Variants in EML1 observed in about 807,000 individuals in gnomAD.
EML1 encodes echinoderm microtubule-associated protein-like 1.
In EML1, 27 loss-of-function variants were observed where a neutral mutation model predicts 110.4. That is an observed-to-expected ratio of 0.24 (90% CI 0.18 to 0.34). The LOEUF (loss-of-function observed/expected upper bound fraction) is 0.34. Among genes scored for constraint, EML1 ranks in the 10% least tolerant of loss-of-function variants. The pLI is 1.00. For synonymous variants in EML1, 344 were observed against 385.8 expected (o/e 0.89, Z 1.27); for missense variants, 741 against 1,030.9 (o/e 0.72, Z 3.85).
chr14:99,778,870 T>C (rs1208305716), intron 1 of EML1, among the ~76,000 whole-genome samples: 1 of 152,238 alleles, frequency 6.6e-6, no homozygotes, highest in Non-Finnish European at 1.5e-5. Context: ...TAATTCTTTG[T>C]CTGAGACTGT....
intron 1 of EML1, among the ~76,000 whole-genome samples, chr14:99,799,538 T>C (rs1044175931): frequency 1.3e-5 from 2 of 152,216 alleles, no homozygotes; most frequent in African/African-American, 4.8e-5. Flanking sequence ...GAAAACGCTT[T>C]CATGGAAAAG....
chr14:99,739,589 G>A (rs2057019024), intron 1 of EML1, among the ~76,000 whole-genome samples: 1 of 152,200 alleles, frequency 6.6e-6, no homozygotes, highest in South Asian at 2.1e-4. Context: ...TGGTGGGCAG[G>A]TGGCCCTGGG....
intron 17 of EML1, among the ~76,000 whole-genome samples, chr14:99,928,336 G>A (rs1039004476): frequency 2.0e-5 from 3 of 151,270 alleles, no homozygotes; most frequent in Non-Finnish European, 4.4e-5. Flanking sequence ...ACTCTAGTTG[G>A]CTCCTGGGTC....
intron 1 of EML1, among the ~76,000 whole-genome samples, chr14:99,739,089 T>TGA (rs879499788): frequency 0.15 from 20,000 of 133,796 alleles, 1,230 homozygotes; most frequent in East Asian, 0.2. Context: ...TGTGTGTGTG[T>TGA]GTGAGAGAGA....
intron 2 of EML1, among the ~76,000 whole-genome samples, chr14:99,862,224 G>A (rs776396116): frequency 1.3e-5 from 2 of 152,208 alleles, no homozygotes; most frequent in Admixed American, 6.5e-5. Context: ...AAGGCACAGA[G>A]GTAAAGTGCC....
At chr14:99,938,003 G>C in intron 20 of EML1, 91 bp downstream of exon 20, 1 of 1,329,976 alleles carries the variant, frequency 7.5e-7, no homozygotes, top group Non-Finnish European at 1.1e-6. Flanking sequence ...ATGGTCACCA[G>C]TCTTGTCAGA....
At chr14:99,916,154 A>G (rs1467014608) in intron 15 of EML1, among the ~76,000 whole-genome samples, 1 of 152,220 alleles carries the variant, frequency 6.6e-6, no homozygotes, top group Admixed American at 6.5e-5. Flanking sequence ...TTGGAGCTCT[A>G]AGCTGGAAGC....
At chr14:99,817,789 G>A (rs2058194446) in intron 1 of EML1, among the ~76,000 whole-genome samples, 1 of 152,220 alleles carries the variant, frequency 6.6e-6, no homozygotes, top group Admixed American at 6.5e-5. Context: ...GTCTAATGGA[G>A]AAGGGGGTCA....
Position 99,827,335 on chromosome 14 carries a change from G to A in EML1, c.68-23518G>A, listed in dbSNP as rs936371596. On this transcript the variant is annotated intron_variant, in intron 1 of 21. Transcript: ENST00000262233. The surrounding 1 kb of genome is among the most constrained non-coding windows in gnomAD (Gnocchi z 4.4). Reference sequence around the variant, plus strand: ...CTGGACCTTGCCGGTTTTGAGTATCGTGAGTACCCTGGCAGCATAGCTGGT... The same window carrying A: ...CTGGACCTTGCCGGTTTTGAGTATCATGAGTACCCTGGCAGCATAGCTGGT... Among the ~76,000 whole-genome samples the A allele has an allele frequency of 2.0e-5, 3 of 150,968 alleles. No homozygotes were observed. Among genetic ancestry groups the A allele is most frequent in the African/African-American group, 7.3e-5 (3 of 41,058 alleles).
chr14:99,769,068 C>T (rs1339129264), upstream of EML1, among the ~76,000 whole-genome samples: 2 of 152,062 alleles, frequency 1.3e-5, no homozygotes, highest in Non-Finnish European at 2.9e-5. Context: ...GTGACCCAAA[C>T]TGGTATTGGT....
intron 2 of EML1, among the ~76,000 whole-genome samples, chr14:99,852,717 C>T (rs1261719744): frequency 6.6e-6 from 1 of 152,170 alleles, no homozygotes; most frequent in Non-Finnish European, 1.5e-5. Context: ...TCTAAGGTTG[C>T]GTCTTTGAGT....
At chr14:99,928,416 A>G (rs2060306570) in intron 17 of EML1, among the ~76,000 whole-genome samples, 1 of 151,898 alleles carries the variant, frequency 6.6e-6, no homozygotes, top group Non-Finnish European at 1.5e-5. Flanking sequence ...GGATCCTTGT[A>G]TACATTTCTT....
At chr14:99,808,540 C>A (rs59421576) in intron 1 of EML1, among the ~76,000 whole-genome samples, 14,066 of 152,090 alleles carry the variant, frequency 0.092, 806 homozygotes, top group African/African-American at 0.17. Context: ...ATATTATATA[C>A]GTATTTAGTG....
chr14:99,868,882 G>A (rs1378553980), intron 3 of EML1, among the ~76,000 whole-genome samples: 1 of 151,916 alleles, frequency 6.6e-6, no homozygotes, highest in Non-Finnish European at 1.5e-5. Flanking sequence ...CTAGTTCCTT[G>A]AAGTATAAAG....
intron 17 of EML1, among the ~76,000 whole-genome samples, chr14:99,929,404 G>A (rs573948621): frequency 1.2e-3 from 187 of 152,308 alleles, no homozygotes; most frequent in Admixed American, 4.1e-3. Flanking sequence ...CAGCAGTGAT[G>A]GCCCCTGGAA....
rs2057934010 is a variant in EML1 at position 99,804,344 on chromosome 14, G to C, written c.67+10801G>C. Among the ~76,000 whole-genome samples the C allele has an allele frequency of 4.6e-5, 7 of 152,272 alleles. 1 individual carries two copies. In the South Asian group the frequency reaches 1.5e-3, roughly 32 times the overall value. On this transcript the variant is annotated intron_variant, in intron 1 of 21. Coordinates refer to ENST00000262233, the MANE Select transcript of EML1 (RefSeq NM_004434.3). ...CAGGAGAGGAGGGGAGAGAAATGCT[G>C]GCTTTAAAGAGTGCTCACCAAGCAT...
At chr14:99,819,767 C>A (rs1233323446) in intron 1 of EML1, among the ~76,000 whole-genome samples, 1 of 152,184 alleles carries the variant, frequency 6.6e-6, no homozygotes, top group Non-Finnish European at 1.5e-5. Flanking sequence ...AGGAGCCCAG[C>A]CTCTCGCACC....
At chr14:99,885,694 A>G (rs1834844866) in intron 4 of EML1, among the ~76,000 whole-genome samples, 1 of 152,250 alleles carries the variant, frequency 6.6e-6, no homozygotes, top group Non-Finnish European at 1.5e-5. Flanking sequence ...AATATTCTTC[A>G]TATTGTTTTA....
In EML1 at chr14:99,939,561, C is replaced by T. The variant is rs1239904916; in HGVS notation, c.2322+234C>T. Among the ~76,000 whole-genome samples the T allele has an allele frequency of 6.6e-6, 1 of 152,148 alleles. No homozygotes were observed. The highest frequency in any genetic ancestry group is 2.4e-5 in the African/African-American group (1 of 41,422). Reference sequence around the variant, plus strand: ...TCATCCACCTCTGCAGCCCCACAGGCTCACGACCCCGCCCTCCCCCACGGC... The same window carrying T: ...TCATCCACCTCTGCAGCCCCACAGGTTCACGACCCCGCCCTCCCCCACGGC... On this transcript the variant is annotated intron_variant, in intron 21 of 21. Transcript: ENST00000262233. This position sits in a 1 kb window ranked among gnomAD's most constrained non-coding sequence, Gnocchi z 4.2.
Sources: allele counts gnomAD v4.1 joint callset (sites outside exome capture counted in the v4.1 genomes callset), GRCh38; gene constraint gnomAD v4.1.1; non-coding constraint Gnocchi (gnomAD v3.1); transcripts MANE v1.5; gene names NCBI Gene and HGNC (gene_info 2026-07-23, HGNC 2026-07-21).